Variants in HLA-DPA1 observed in about 807,000 individuals in gnomAD.
HLA-DPA1 encodes the protein HLA class II histocompatibility antigen, DP alpha 1 chain.
Under a neutral mutation model 21.5 loss-of-function variants are expected in HLA-DPA1, and 20 were observed. That is an observed-to-expected ratio of 0.93 (90% CI 0.66 to 1.35). The LOEUF (loss-of-function observed/expected upper bound fraction) is 1.35. Ranked by LOEUF, HLA-DPA1 falls within the 40% of genes most tolerant of loss-of-function variation. HLA-DPA1 has a pLI of 0.00. For synonymous variants in HLA-DPA1, 123 were observed against 129.6 expected (o/e 0.95, Z 0.35); for missense variants, 279 against 323.0 (o/e 0.86, Z 1.05).
intron 5 of HLA-DPA1, chr6:33,065,902 T>C (rs1761932758): frequency 7.5e-6 from 1 of 133,838 alleles, no homozygotes; most frequent in African/African-American, 3.1e-5. Context: ...CTTCTCCATT[T>C]TTGTTAAATA....
exon 5 of HLA-DPA1, chr6:33,068,673 G>A: frequency 6.2e-7 from 1 of 1,612,866 alleles, no homozygotes; most frequent in South Asian, 1.1e-5. Flanking sequence ...TGGGCCCGGG[G>A]GTCATGGCCA....
rs1183464371 is a variant in HLA-DPA1 at position 33,079,030 on chromosome 6, T to C, written c.-100+1650A>G. On this transcript the variant is annotated intron_variant, in intron 1 of 5. Transcript: ENST00000419277. The stretch of plus-strand genomic sequence containing the variant: ...AGGATATCTGAGTCAAGACCTGGGA[T>C]CTTGCCTTAGCAATGACACTGGAGA... 2.0e-5 allele frequency among the ~76,000 whole-genome samples: 3 copies of C among 152,208 alleles called. 1 individual carries two copies. Among genetic ancestry groups the C allele is most frequent in the Non-Finnish European group, 4.4e-5 (3 of 68,042 alleles).
At chr6:33,077,088 G>A (rs1006544940) in intron 1 of HLA-DPA1, among the ~76,000 whole-genome samples, 2 of 106,454 alleles carry the variant, frequency 1.9e-5, no homozygotes, top group Non-Finnish European at 3.5e-5. Context: ...CCCCACAACA[G>A]GCCCCGGTGT....
exon 2 of HLA-DPA1, chr6:33,073,633 T>A: frequency 1.7e-6 from 2 of 1,153,656 alleles, no homozygotes; most frequent in Non-Finnish European, 2.6e-6. Flanking sequence ...TGAGGCCGAG[T>A]GGAGGCAGAT....
chr6:33,073,545 T>G, exon 2 of HLA-DPA1: 1 of 1,612,876 alleles, frequency 6.2e-7, no homozygotes, highest in South Asian at 1.1e-5. Flanking sequence ...AGCTCTGATA[T>G]GGAACATTCT....
At chr6:33,067,317 C>T (rs1213691059) in intron 5 of HLA-DPA1, 8 of 121,750 alleles carry the variant, frequency 6.6e-5, no homozygotes, top group African/African-American at 3.1e-4. Flanking sequence ...GCTTTGTCCC[C>T]TCTCCGGGTA....
chr6:33,073,612 T>C, exon 2 of HLA-DPA1: 1 of 1,472,360 alleles, frequency 6.8e-7, no homozygotes, highest in Non-Finnish European at 9.5e-7. Context: ...ACAGGAACAG[T>C]GATGAGGAAC....
rs144838042 is a variant in HLA-DPA1 at position 33,070,930 on chromosome 6, T to C, written c.101-1044A>G. ...ATTTATTTTGTTTCTTAGTCTTTAT[T>C]AGTTTGTAAGAATTAGCAAAGATAA... On this transcript the variant is annotated intron_variant, in intron 2 of 5. Coordinates refer to ENST00000419277, the Ensembl canonical transcript of HLA-DPA1. 2.2e-3 allele frequency among the ~76,000 whole-genome samples: 328 copies of C among 152,354 alleles called. 1 individual carries two copies. Among genetic ancestry groups the C allele is most frequent in the African/African-American group, 7.4e-3 (308 of 41,586 alleles).
chr6:33,069,353 G>C (rs1762139327), intron 3 of HLA-DPA1, 53 bp from the exon 3 acceptor site: 1 of 1,546,212 alleles, frequency 6.5e-7, no homozygotes, highest in African/African-American at 1.4e-5. Context: ...AATCACAAAG[G>C]CTCCACCTCT....
intron 1 of HLA-DPA1, chr6:33,079,693 C>A: frequency 2.0e-6 from 1 of 498,796 alleles, no homozygotes; most frequent in Non-Finnish European, 3.9e-6. Context: ...TTCTGGTCCA[C>A]AGCCTCAAGG....
intron 1 of HLA-DPA1, among the ~76,000 whole-genome samples, chr6:33,077,460 T>C (rs1391494845): frequency 1.3e-5 from 2 of 152,112 alleles, no homozygotes; most frequent in Non-Finnish European, 2.9e-5. Flanking sequence ...GGTCAAATGG[T>C]ATTTCTAGTT....
At chr6:33,075,941 T>G in intron 1 of HLA-DPA1, 1 of 821,458 alleles carries the variant, frequency 1.2e-6, no homozygotes, top group East Asian at 2.7e-5. Context: ...AGAAGACTAC[T>G]TGGGTTCATG....
intron 1 of HLA-DPA1, among the ~76,000 whole-genome samples, chr6:33,077,288 A>T (rs986576824): frequency 1.4e-4 from 21 of 151,982 alleles, no homozygotes; most frequent in Non-Finnish European, 2.9e-4. Flanking sequence ...CATGGTGTAT[A>T]TGTGTGCATT....
exon 4 of HLA-DPA1, chr6:33,069,172 C>T (rs190604997): frequency 6.2e-7 from 1 of 1,612,932 alleles, no homozygotes; most frequent in South Asian, 1.1e-5. Flanking sequence ...CCCTCAGTGA[C>T]CAGCTCCCCG....
At position 33,077,293 on chromosome 6, in the gene HLA-DPA1, T is replaced by C. The variant is rs544321982; in HGVS notation, c.-100+3387A>G. Reference sequence around the variant, plus strand: ...CACAGTATTCCATGGTGTATATGTGTGCATTTTCTTAATCCAGTCTATCAC... The same window carrying C: ...CACAGTATTCCATGGTGTATATGTGCGCATTTTCTTAATCCAGTCTATCAC... On this transcript the variant is annotated intron_variant, in intron 1 of 5. Coordinates refer to ENST00000419277, the Ensembl canonical transcript of HLA-DPA1. 3.8e-3 allele frequency among the ~76,000 whole-genome samples: 573 copies of C among 152,214 alleles called. 5 individuals carry two copies. Among genetic ancestry groups the C allele is most frequent in the East Asian group, 0.032 (165 of 5,178 alleles).
chr6:33,068,197 A>G (rs3179778), intron 5 of HLA-DPA1: 44,088 of 154,392 alleles, frequency 0.29, 8,401 homozygotes, highest in East Asian at 0.69. Context: ...ATCTGACTCC[A>G]TTATTTGGCA....
chr6:33,070,422 A>T (rs1762223262), intron 2 of HLA-DPA1, among the ~76,000 whole-genome samples: 1 of 152,202 alleles, frequency 6.6e-6, no homozygotes, highest in Non-Finnish European at 1.5e-5. Flanking sequence ...TCTATGACAC[A>T]GATGTAAAAT....
chr6:33,073,614 A>G (rs1762400737), exon 2 of HLA-DPA1: 4 of 1,442,780 alleles, frequency 2.8e-6, no homozygotes, highest in African/African-American at 1.4e-5. Flanking sequence ...AGGAACAGTG[A>G]TGAGGAACTG....
rs72558172 is a variant in HLA-DPA1 at position 33,069,720 on chromosome 6, G to A, written c.267C>T (p.Gly89=). The change falls in exon 3 of 6, where the codon GGC becomes GGT. Residue 89 remains glycine (G), a synonymous_variant. Transcript: ENST00000419277. ...TCAATATAGCAATGTTAGCCAGCCC[G>A]CCCTGAGCCTCAAAGGAAAAGGCTT... The A allele has an allele frequency of 9.8e-4, 1,588 of 1,612,566 alleles. 6 individuals carry two copies. In the African/African-American group the frequency reaches 0.011, roughly 11 times the overall value.
Sources: gnomAD v4.1 joint callset for allele counts (sites outside exome capture counted in the v4.1 genomes callset) on GRCh38, gnomAD v4.1.1 for gene constraint, MANE v1.5 for transcripts, NCBI Gene and HGNC (gene_info 2026-07-23, HGNC 2026-07-21) for gene names.